The following TBX5 variants were observed in gnomAD, a reference collection of about 807,000 sequenced individuals.
TBX5 encodes the protein T-box transcription factor TBX5.
A neutral mutation model predicts 51.1 loss-of-function variants in TBX5; 8 were observed. That is an observed-to-expected ratio of 0.16 (90% CI 0.09 to 0.28). TBX5 has a LOEUF of 0.28. Among genes scored for constraint, TBX5 ranks in the 10% least tolerant of loss-of-function variants. The pLI is 1.00. For missense variants in TBX5, 589 were observed against 671.7 expected, an observed-to-expected ratio of 0.88 and a Z score of 1.36; for synonymous variants, 302 against 266.4, an observed-to-expected ratio of 1.13 and a Z score of -1.30.
At chr12:114,402,903 G>A (rs1056803139) in intron 2 of TBX5, among the ~76,000 whole-genome samples, 7 of 152,156 alleles carry the variant, frequency 4.6e-5, no homozygotes, top group Non-Finnish European at 1.0e-4. Flanking sequence ...AAACTTAAAG[G>A]CCAAAGAGAG....
intron 6 of TBX5, among the ~76,000 whole-genome samples, chr12:114,391,166 A>G (rs77301147): frequency 0.025 from 3,835 of 152,356 alleles, 60 homozygotes; most frequent in Non-Finnish European, 0.03. Context: ...TTGGCAATTT[A>G]ATCACATGCA....
chr12:114,385,246 C>T (rs545505081), intron 7 of TBX5, among the ~76,000 whole-genome samples: 3 of 152,286 alleles, frequency 2.0e-5, no homozygotes, highest in Non-Finnish European at 4.4e-5. Flanking sequence ...CCGAACTCTT[C>T]GTACCTTCTC....
intron 4 of TBX5, among the ~76,000 whole-genome samples, chr12:114,399,141 T>C (rs1871631086): frequency 6.6e-6 from 1 of 152,198 alleles, no homozygotes; most frequent in African/African-American, 2.4e-5. Flanking sequence ...TTTTGCAATT[T>C]CATAAAAATG....
At chr12:114,399,435 C>T (rs1871652330) in intron 4 of TBX5, 78 bp downstream of exon 4, 1 of 1,576,394 alleles carries the variant, frequency 6.3e-7, no homozygotes, top group Admixed American at 1.7e-5. Context: ...AAAAAGTTCA[C>T]TGATACAACT....
intron 6 of TBX5, among the ~76,000 whole-genome samples, chr12:114,392,633 A>G (rs1296242009): frequency 6.6e-6 from 1 of 152,006 alleles, no homozygotes; most frequent in Non-Finnish European, 1.5e-5. Context: ...GTAGAGGGGG[A>G]AAAGATCTCA....
intron 7 of TBX5, among the ~76,000 whole-genome samples, chr12:114,384,707 A>G (rs560485672): frequency 1.6e-5 from 2 of 127,490 alleles, no homozygotes; most frequent in African/African-American, 2.9e-5. Flanking sequence ...CAAACAGAAA[A>G]AAAGAAAACA....
chr12:114,357,221 G>A (rs16944091), intron 8 of TBX5, among the ~76,000 whole-genome samples: 2,945 of 152,156 alleles, frequency 0.019, 268 homozygotes, highest in Admixed American at 0.15. Context: ...GTAGGGAAGT[G>A]GAGATAGTTT....
rs192485435 is a variant in TBX5, at chr12:114,369,462, G to A, written c.756-3071C>T. On this transcript the variant is annotated intron_variant, in intron 7 of 8. Transcript: ENST00000405440. ...ACATCTCTGTTAATGCCTGAAATAC[G>A]ATGTCCCCAAACCCCTCTGACAAGT... Among the ~76,000 whole-genome samples, 233 of 152,252 alleles carry A rather than the reference G, an allele frequency of 1.5e-3. 2 individuals carry two copies. The highest frequency in any genetic ancestry group is 5.2e-3 in the African/African-American group (216 of 41,548).
intron 8 of TBX5, among the ~76,000 whole-genome samples, chr12:114,358,236 T>G (rs1208484134): frequency 6.6e-6 from 1 of 152,210 alleles, no homozygotes; most frequent in Non-Finnish European, 1.5e-5. Flanking sequence ...CTAGGTATTG[T>G]GCCAGGTGCT....
At chr12:114,378,074 T>C (rs1008231453) in intron 7 of TBX5, among the ~76,000 whole-genome samples, 1 of 152,090 alleles carries the variant, frequency 6.6e-6, no homozygotes, top group Non-Finnish European at 1.5e-5. Context: ...CCTGATGCCG[T>C]CTGCAGCACA....
intron 5 of TBX5, among the ~76,000 whole-genome samples, 162 bp downstream of exon 5, chr12:114,398,411 A>G (rs550083285): frequency 6.6e-6 from 1 of 152,344 alleles, no homozygotes; most frequent in South Asian, 2.1e-4. Flanking sequence ...GGAAGTCCAG[A>G]TCAAGAAGGT....
chr12:114,388,526 G>T (rs893423207), intron 6 of TBX5, among the ~76,000 whole-genome samples: 1 of 152,074 alleles, frequency 6.6e-6, no homozygotes, highest in African/African-American at 2.4e-5. Flanking sequence ...TACCCAGGCT[G>T]GAGTGCAGTG....
intron 5 of TBX5, among the ~76,000 whole-genome samples, chr12:114,395,326 C>A (rs996096148): frequency 2.0e-5 from 3 of 151,996 alleles, no homozygotes; most frequent in Admixed American, 6.6e-5. Flanking sequence ...AGAAATAACC[C>A]CCACTCCCCA....
chr12:114,407,789 C>T, upstream of TBX5: 1 of 985,470 alleles, frequency 1.0e-6, no homozygotes, highest in Non-Finnish European at 1.2e-6. Flanking sequence ...TATTTCCCCC[C>T]TCAGTCCTCC....
intron 6 of TBX5, among the ~76,000 whole-genome samples, chr12:114,386,109 G>A (rs1003624226): frequency 6.6e-6 from 1 of 152,170 alleles, no homozygotes; most frequent in Admixed American, 6.5e-5. Context: ...GGTGGAAAAT[G>A]GTGCCTAATG....
chr12:114,380,995 A>G (rs1390513491), intron 7 of TBX5, among the ~76,000 whole-genome samples: 4 of 152,178 alleles, frequency 2.6e-5, no homozygotes, highest in Non-Finnish European at 5.9e-5. Flanking sequence ...TGCTTGAGAC[A>G]GGATGTTTAA....
chr12:114,403,493 T>C (rs1871968652), intron 2 of TBX5, among the ~76,000 whole-genome samples: 1 of 152,186 alleles, frequency 6.6e-6, no homozygotes, highest in East Asian at 1.9e-4. Flanking sequence ...ACAATTTAAA[T>C]AGATTTCAAA....
chr12:114,404,987 G>A (rs896042839), intron 1 of TBX5, among the ~76,000 whole-genome samples: 2 of 152,206 alleles, frequency 1.3e-5, no homozygotes, highest in African/African-American at 4.8e-5. Flanking sequence ...CAAGCCCGAT[G>A]AGCCTGTCTC....
intron 6 of TBX5, among the ~76,000 whole-genome samples, chr12:114,392,849 G>C (rs1444481297): frequency 2.0e-5 from 3 of 152,100 alleles, no homozygotes; most frequent in Non-Finnish European, 4.4e-5. Context: ...CAGGGCATTC[G>C]ACCCTCGGTT....
Sources: gnomAD v4.1 joint callset for allele counts (sites outside exome capture counted in the v4.1 genomes callset) on GRCh38, gnomAD v4.1.1 for gene constraint, MANE v1.5 for transcripts, NCBI Gene and HGNC (gene_info 2026-07-23, HGNC 2026-07-21) for gene names.